The following GRM1 variants were observed in gnomAD, a reference collection of about 807,000 sequenced individuals.
GRM1 encodes the protein glutamate metabotropic receptor 1.
GRM1 carries 33 observed loss-of-function variants against 90.9 expected under a neutral mutation model. That is an observed-to-expected ratio of 0.36 (90% CI 0.28 to 0.49). The LOEUF (loss-of-function observed/expected upper bound fraction) is 0.49, where lower values mean the gene tolerates loss of function less well. GRM1 is among the 20% of genes least tolerant of loss of function. The probability of loss-of-function intolerance (pLI) is 0.99; values close to 1 mark genes in which losing one functional copy is unlikely to be tolerated. For missense variants in GRM1, 1,190 were observed against 1,534.3 expected, an observed-to-expected ratio of 0.78 and a Z score of 3.75; for synonymous variants, 700 against 613.2, an observed-to-expected ratio of 1.14 and a Z score of -2.09.
intron 5 of GRM1, among the ~76,000 whole-genome samples, chr6:146,361,156 T>G (rs1464552455): frequency 6.6e-6 from 1 of 152,160 alleles, no homozygotes; most frequent in Non-Finnish European, 1.5e-5. Context: ...CCTAGGTGGG[T>G]CTCCTATGGT....
chr6:146,350,281 A>G (rs1399384084), intron 3 of GRM1, among the ~76,000 whole-genome samples: 1 of 152,244 alleles, frequency 6.6e-6, no homozygotes, highest in Admixed American at 6.5e-5. Flanking sequence ...CTCAGTGTCC[A>G]TAAGGCTTGT....
At chr6:146,209,023 C>T (rs527748580) in intron 2 of GRM1, among the ~76,000 whole-genome samples, 23 of 151,976 alleles carry the variant, frequency 1.5e-4, no homozygotes, top group South Asian at 1.2e-3. Flanking sequence ...AGTTACAAAA[C>T]GATATCATAT....
intron 2 of GRM1, among the ~76,000 whole-genome samples, chr6:146,261,215 A>G (rs1333732344): frequency 6.6e-6 from 1 of 152,158 alleles, no homozygotes; most frequent in African/African-American, 2.4e-5. Context: ...ATAAAATGCC[A>G]AGGAGAAAAT....
At chr6:146,431,441 GT>G (rs1267414062) in intron 7 of GRM1, among the ~76,000 whole-genome samples, 5 of 152,334 alleles carry the variant, frequency 3.3e-5, no homozygotes, top group Non-Finnish European at 5.9e-5. Flanking sequence ...ATGTGAATGA[GT>G]GGGTGAAGTG....
chr6:146,038,244 A>G (rs1477492798), intron 1 of GRM1, among the ~76,000 whole-genome samples: 2 of 151,988 alleles, frequency 1.3e-5, no homozygotes, highest in Admixed American at 6.6e-5. Flanking sequence ...CTGTGACACC[A>G]TCTCTACCAC....
chr6:146,196,648 T>A (rs887644206), intron 2 of GRM1, among the ~76,000 whole-genome samples: 3 of 151,922 alleles, frequency 2.0e-5, no homozygotes, highest in African/African-American at 7.3e-5. Context: ...GGGACCCATA[T>A]TAGTGCCACC....
intron 5 of GRM1, among the ~76,000 whole-genome samples, chr6:146,366,385 A>G (rs567944131): frequency 6.6e-6 from 1 of 152,318 alleles, no homozygotes; most frequent in Non-Finnish European, 1.5e-5. Context: ...AAAATATACA[A>G]TAAATTATTG....
intron 3 of GRM1, among the ~76,000 whole-genome samples, chr6:146,330,363 A>C (rs1246453873): frequency 1.3e-5 from 2 of 152,148 alleles, no homozygotes; most frequent in Non-Finnish European, 2.9e-5. Context: ...ATGAGTTTTT[A>C]CTAGGGAAAC....
intron 2 of GRM1, among the ~76,000 whole-genome samples, chr6:146,160,080 C>G (rs1461453081): frequency 2.0e-5 from 3 of 151,854 alleles, no homozygotes; most frequent in Non-Finnish European, 4.4e-5. Flanking sequence ...CACACCCAAG[C>G]CGATGCTTAT....
intron 6 of GRM1, among the ~76,000 whole-genome samples, chr6:146,396,858 TAA>T (rs1334033527): frequency 6.6e-6 from 1 of 152,186 alleles, no homozygotes; most frequent in Non-Finnish European, 1.5e-5. Flanking sequence ...ACTTAATATA[TAA>T]AGATACAGGT....
At chr6:146,427,960 A>T (rs1213386425) in intron 7 of GRM1, among the ~76,000 whole-genome samples, 1 of 152,208 alleles carries the variant, frequency 6.6e-6, no homozygotes, top group Non-Finnish European at 1.5e-5. Flanking sequence ...GAGAGAGAGG[A>T]GAGTTGACTG....
At chr6:146,226,682 T>C (rs1780251487) in intron 2 of GRM1, among the ~76,000 whole-genome samples, 1 of 152,160 alleles carries the variant, frequency 6.6e-6, no homozygotes, top group African/African-American at 2.4e-5. Flanking sequence ...TTATTTGCTC[T>C]ACAATTGATC....
intron 2 of GRM1, among the ~76,000 whole-genome samples, chr6:146,189,676 A>G (rs1306411966): frequency 6.6e-6 from 1 of 152,146 alleles, no homozygotes; most frequent in Non-Finnish European, 1.5e-5. Context: ...TTAGTAGGAG[A>G]GTTAGGATTT....
Position 146,121,572 on chromosome 6 carries a change from T to C in GRM1, c.701-37776T>C, listed in dbSNP as rs571837068. Among the ~76,000 whole-genome samples the C allele has an allele frequency of 2.0e-5, 3 of 152,286 alleles. No homozygotes were observed. In the South Asian group the frequency reaches 6.2e-4, roughly 32 times the overall value. ...TTTCCTGCTTTCTCTTGTGGGCATT[T>C]AGTGCTATAAATTTCCCTCTACACA... On this transcript the variant is annotated intron_variant, in intron 1 of 7. Transcript: ENST00000282753.
chr6:146,136,191 C>A (rs535109712), intron 1 of GRM1, among the ~76,000 whole-genome samples: 1 of 152,304 alleles, frequency 6.6e-6, no homozygotes, highest in East Asian at 1.9e-4. Flanking sequence ...TTGATAGACA[C>A]TTGGATTGCT....
intron 2 of GRM1, among the ~76,000 whole-genome samples, chr6:146,247,497 C>T (rs1781100923): frequency 6.6e-6 from 1 of 151,984 alleles, no homozygotes; most frequent in Non-Finnish European, 1.5e-5. Context: ...GCCTGTAATC[C>T]CAGCACTTTG....
intron 2 of GRM1, among the ~76,000 whole-genome samples, chr6:146,261,423 T>A (rs1781692036): frequency 6.6e-6 from 1 of 152,090 alleles, no homozygotes; most frequent in Non-Finnish European, 1.5e-5. Context: ...AGGAACTGTT[T>A]AAATGTGCCA....
intron 1 of GRM1, among the ~76,000 whole-genome samples, chr6:146,114,813 A>C (rs780931796): frequency 6.6e-6 from 1 of 152,142 alleles, no homozygotes; most frequent in Non-Finnish European, 1.5e-5. Flanking sequence ...AATTCTTGTA[A>C]GAGCTCTGCA....
intron 2 of GRM1, among the ~76,000 whole-genome samples, chr6:146,182,610 T>G (rs555521183): frequency 5.3e-5 from 8 of 152,180 alleles, no homozygotes; most frequent in Non-Finnish European, 1.2e-4. Context: ...AATGTTATAT[T>G]ACCCATACAT....
Sources: gnomAD v4.1 joint callset for allele counts (sites outside exome capture counted in the v4.1 genomes callset) on GRCh38, gnomAD v4.1.1 for gene constraint, MANE v1.5 for transcripts, NCBI Gene and HGNC (gene_info 2026-07-23, HGNC 2026-07-21) for gene names.